Variants in KAZN observed in about 807,000 individuals in gnomAD.
KAZN encodes kazrin.
In KAZN, 40 loss-of-function variants were observed where a neutral mutation model predicts 87.4. That is an observed-to-expected ratio of 0.46 (90% CI 0.36 to 0.60). The LOEUF (loss-of-function observed/expected upper bound fraction) is 0.60. KAZN is among the 20% of genes least tolerant of loss of function. The pLI, the probability that KAZN is intolerant of heterozygous loss-of-function variation, is 0.00. For missense variants in KAZN, 898 were observed against 1,073.9 expected, an observed-to-expected ratio of 0.84 and a Z score of 2.29; for synonymous variants, 466 against 458.3, an observed-to-expected ratio of 1.02 and a Z score of -0.22.
intron 1 of KAZN, among the ~76,000 whole-genome samples, chr1:14,012,664 G>A (rs1027253135): frequency 1.3e-5 from 2 of 152,128 alleles, no homozygotes; most frequent in African/African-American, 4.8e-5. Context: ...AATTAGCTCG[G>A]CGTGTTGGCA....
At chr1:14,068,962 T>G (rs1432309730) in intron 1 of KAZN, among the ~76,000 whole-genome samples, 2 of 151,808 alleles carry the variant, frequency 1.3e-5, no homozygotes, top group African/African-American at 4.8e-5. Context: ...CCACGCCTGG[T>G]TAATTTTTGT....
intron 2 of KAZN, among the ~76,000 whole-genome samples, chr1:14,266,916 T>A (rs1450262202): frequency 6.6e-6 from 1 of 152,114 alleles, no homozygotes; most frequent in East Asian, 1.9e-4. Context: ...CTTTAAATTT[T>A]AGGGTACATG....
At chr1:14,931,929 G>A (rs10927583) in intron 1 of KAZN, among the ~76,000 whole-genome samples, 55,314 of 151,960 alleles carry the variant, frequency 0.36, 12,071 homozygotes, top group African/African-American at 0.6. Flanking sequence ...GTCCGGGCAC[G>A]CGTGTTCCCA....
intron 1 of KAZN, among the ~76,000 whole-genome samples, chr1:14,852,860 G>A (rs906138433): frequency 6.6e-6 from 1 of 152,142 alleles, no homozygotes; most frequent in African/African-American, 2.4e-5. Flanking sequence ...GCCTCCCTAG[G>A]AGCTTGTTGG....
intron 1 of KAZN, among the ~76,000 whole-genome samples, chr1:14,841,520 A>G (rs528673035): frequency 6.7e-6 from 1 of 149,842 alleles, no homozygotes; most frequent in African/African-American, 2.4e-5. Context: ...TCCTGGGTAT[A>G]GGGGCAGGGA....
chr1:15,025,339 A>G (rs567622003), intron 2 of KAZN, among the ~76,000 whole-genome samples: 3 of 152,214 alleles, frequency 2.0e-5, no homozygotes, highest in Non-Finnish European at 4.4e-5. Context: ...CAGTTGAGAA[A>G]ATTGGTTCTC....
intron 1 of KAZN, among the ~76,000 whole-genome samples, chr1:14,037,128 G>T (rs1641593750): frequency 6.6e-6 from 1 of 152,044 alleles, no homozygotes; most frequent in East Asian, 1.9e-4. Flanking sequence ...GATCACATAG[G>T]GTGGGATTAT....
chr1:14,826,527 G>A (rs931921319), intron 1 of KAZN, among the ~76,000 whole-genome samples: 1 of 152,140 alleles, frequency 6.6e-6, no homozygotes, highest in African/African-American at 2.4e-5. Context: ...TCCTGGGGGC[G>A]GCTGATGGCC....
intron 1 of KAZN, among the ~76,000 whole-genome samples, chr1:14,819,975 G>C (rs1264457573): frequency 1.3e-5 from 2 of 151,872 alleles, no homozygotes; most frequent in African/African-American, 2.4e-5. Context: ...CTCCCAAAGT[G>C]CTACGATGTA....
intron 1 of KAZN, among the ~76,000 whole-genome samples, chr1:14,913,311 A>G (rs1476947829): frequency 2.0e-5 from 3 of 152,230 alleles, no homozygotes; most frequent in Non-Finnish European, 4.4e-5. Flanking sequence ...TCAAGTCTTT[A>G]AAAACAAAAA....
At chr1:14,391,785 G>T (rs1232466928) in intron 2 of KAZN, among the ~76,000 whole-genome samples, 2 of 152,158 alleles carry the variant, frequency 1.3e-5, no homozygotes, top group Admixed American at 6.5e-5. Flanking sequence ...TGTGCTGGGG[G>T]CAGGGTATTC....
Position 14,514,801 on chromosome 1 carries a change from C to A in KAZN, c.250-84182C>A, listed in dbSNP as rs566718178. 3.8e-3 allele frequency among the ~76,000 whole-genome samples: 579 copies of A among 151,438 alleles called. 4 individuals carry two copies. The highest frequency in any genetic ancestry group is 0.014 in the African/African-American group (559 of 41,198). On this transcript the variant is annotated intron_variant, in intron 2 of 16. Transcript: ENST00000636203. Reference sequence around the variant, plus strand: ...CTGAGCCCCCTTCCTGAACCTCATTCATAAAATGGAACTAATAAACCAATG... The same window carrying A: ...CTGAGCCCCCTTCCTGAACCTCATTAATAAAATGGAACTAATAAACCAATG...
intron 1 of KAZN, among the ~76,000 whole-genome samples, chr1:14,775,058 C>T (rs1645136884): frequency 6.6e-6 from 1 of 152,200 alleles, no homozygotes; most frequent in Admixed American, 6.5e-5. Flanking sequence ...CCAGGGCCCA[C>T]CCACACTCTG....
upstream of KAZN, among the ~76,000 whole-genome samples, chr1:14,596,134 T>A (rs1676494133): frequency 6.6e-6 from 1 of 152,174 alleles, no homozygotes; most frequent in Non-Finnish European, 1.5e-5. Flanking sequence ...ACAGAACACT[T>A]ACTACGGGCT....
intron 1 of KAZN, among the ~76,000 whole-genome samples, chr1:14,005,913 T>C (rs1640016889): frequency 6.6e-6 from 1 of 152,132 alleles, no homozygotes; most frequent in East Asian, 1.9e-4. Context: ...GCATTCCCAC[T>C]AGGAGAAAGC....
chr1:13,899,380 T>C (rs1639161316), intron 1 of KAZN, among the ~76,000 whole-genome samples: 1 of 152,222 alleles, frequency 6.6e-6, no homozygotes, highest in Non-Finnish European at 1.5e-5. Flanking sequence ...TGGGCCAGGA[T>C]TCAAATTCAA....
chr1:15,033,156 A>G (rs573316885), intron 2 of KAZN, among the ~76,000 whole-genome samples: 1 of 152,158 alleles, frequency 6.6e-6, no homozygotes, highest in Non-Finnish European at 1.5e-5. Context: ...TGCAAATACT[A>G]TGCCATTTTA....
At chr1:14,416,881 G>A (rs541215462) in intron 2 of KAZN, among the ~76,000 whole-genome samples, 22 of 152,168 alleles carry the variant, frequency 1.4e-4, no homozygotes, top group African/African-American at 4.8e-4. Context: ...CTTGAGATCA[G>A]GAGTTTAAGA....
chr1:13,912,256 G>A (rs1010005932), intron 1 of KAZN, among the ~76,000 whole-genome samples: 8 of 152,224 alleles, frequency 5.3e-5, no homozygotes, highest in Non-Finnish European at 7.4e-5. Flanking sequence ...GAGAACCCCC[G>A]TCTTTCCTCC....
Sources: gnomAD v4.1 joint callset for allele counts (sites outside exome capture counted in the v4.1 genomes callset) on GRCh38, gnomAD v4.1.1 for gene constraint, MANE v1.5 for transcripts, NCBI Gene and HGNC (gene_info 2026-07-23, HGNC 2026-07-21) for gene names.